The following RALGAPA2 variants were observed in gnomAD, a reference collection of about 807,000 sequenced individuals.
The protein encoded by RALGAPA2 is ral GTPase-activating protein subunit alpha-2.
A neutral mutation model predicts 230.4 loss-of-function variants in RALGAPA2; 139 were observed. The ratio of observed to expected loss-of-function variants is 0.60; its 90% CI spans 0.53 to 0.69. RALGAPA2 has a LOEUF of 0.69. RALGAPA2 is among the 30% of genes least tolerant of loss of function. RALGAPA2 has a pLI of 0.00. For missense variants in RALGAPA2, 2,163 were observed against 2,276.0 expected, an observed-to-expected ratio of 0.95 and a Z score of 1.01; for synonymous variants, 847 against 837.8, an observed-to-expected ratio of 1.01 and a Z score of -0.19.
chr20:20,600,055 G>C (rs1253908796), intron 16 of RALGAPA2, among the ~76,000 whole-genome samples: 1 of 152,074 alleles, frequency 6.6e-6, no homozygotes, highest in Non-Finnish European at 1.5e-5. Flanking sequence ...AGCACTTTGG[G>C]AAACAGAGAC....
chr20:20,660,415 GTTCA>G (rs1568719567), intron 3 of RALGAPA2, among the ~76,000 whole-genome samples: 1 of 151,954 alleles, frequency 6.6e-6, no homozygotes. Flanking sequence ...GATCAGATTT[GTTCA>G]TTCTTAGGTT....
At chr20:20,707,855 G>A (rs950206663) in intron 1 of RALGAPA2, among the ~76,000 whole-genome samples, 1 of 151,966 alleles carries the variant, frequency 6.6e-6, no homozygotes, top group African/African-American at 2.4e-5. Flanking sequence ...GGTCCTCAGT[G>A]CCCAACACCA....
rs2067110405 is a variant in RALGAPA2 at position 20,643,527 on chromosome 20, T to C, written c.351A>G (p.Leu117=). The change falls in exon 5 of 40, where the codon CTA becomes CTG. Residue 117 remains leucine (L), a synonymous_variant. Transcript: ENST00000202677. ...ATACCTTAATAGAATTTCCAGTGTGTAGAAGCTTCTTTAAAGTTGAGCCTG... is the reference window on the plus strand; with the variant it reads ...ATACCTTAATAGAATTTCCAGTGTGCAGAAGCTTCTTTAAAGTTGAGCCTG... The part of the protein sequence containing the change: ...QSIGSTLKKL[L]HTGNSIKIRC... 4 of 1,473,786 alleles carry C rather than the reference T, an allele frequency of 2.7e-6. No individual in the cohort carries two copies. The East Asian group carries it at 1.0e-4, about 37-fold the overall frequency. 91.3% of individuals were successfully genotyped at this position (1,473,786 alleles called of 1,614,324 possible). A position where few individuals can be genotyped will look rare whatever the true frequency, so the allele number is the denominator to read the frequency against.
intron 37 of RALGAPA2, among the ~76,000 whole-genome samples, chr20:20,413,216 G>A (rs973053470): frequency 6.6e-6 from 1 of 152,210 alleles, no homozygotes; most frequent in Non-Finnish European, 1.5e-5. Flanking sequence ...AGTAACTCTA[G>A]CATTTCTCAC....
intron 32 of RALGAPA2, among the ~76,000 whole-genome samples, chr20:20,511,893 T>C (rs765831980): frequency 2.0e-5 from 3 of 152,146 alleles, no homozygotes; most frequent in African/African-American, 2.4e-5. Context: ...AAGCAGTAAT[T>C]AAAACACACA....
At chr20:20,624,539 A>T (rs1161181957) in intron 10 of RALGAPA2, among the ~76,000 whole-genome samples, 2 of 152,130 alleles carry the variant, frequency 1.3e-5, no homozygotes, top group Non-Finnish European at 2.9e-5. Flanking sequence ...GTACATTAGG[A>T]TTCTGAAATC....
chr20:20,512,909 G>T lies in RALGAPA2; in HGVS notation c.4460C>A (p.Pro1487His). 2 of 1,613,806 alleles carry T rather than the reference G, an allele frequency of 1.2e-6. No individual in the cohort carries two copies. Among genetic ancestry groups the T allele is most frequent in the Non-Finnish European group, 1.7e-6 (2 of 1,179,778 alleles). Residue 1487 changes from proline to histidine, a missense_variant, in exon 32 of 40, where the codon CCC (proline) becomes CAC (histidine). Coordinates refer to ENST00000202677, the MANE Select transcript of RALGAPA2 (RefSeq NM_020343.4). ...CAGAAATGAAGGATTTCTTCCATTG[G>T]GTGCTAAGCAGCCTTCCAAAGGTCC... The part of the protein sequence containing the change: ...LYGPLEGCLA[P>H]NGRNPSFLIS...
At chr20:20,580,910 G>C (rs573370597) in intron 20 of RALGAPA2, among the ~76,000 whole-genome samples, 1 of 152,248 alleles carries the variant, frequency 6.6e-6, no homozygotes, top group African/African-American at 2.4e-5. Context: ...TAATCAAATT[G>C]TTTCTCTTTG....
At chr20:20,636,593 T>C (rs1005304905) in intron 8 of RALGAPA2, among the ~76,000 whole-genome samples, 4 of 151,846 alleles carry the variant, frequency 2.6e-5, no homozygotes, top group Non-Finnish European at 4.4e-5. Context: ...TACGCATACA[T>C]AGAAACACAC....
At chr20:20,592,144 A>G (rs1484754000) in intron 16 of RALGAPA2, among the ~76,000 whole-genome samples, 1 of 152,090 alleles carries the variant, frequency 6.6e-6, no homozygotes, top group African/African-American at 2.4e-5. Flanking sequence ...ACTAATCACT[A>G]ATCACTGTCC....
rs910709880 is a variant in RALGAPA2, at chr20:20,669,173, T to A, written c.270+7063A>T. Among the ~76,000 whole-genome samples, 4 of 152,230 alleles carry A rather than the reference T, an allele frequency of 2.6e-5. No homozygotes were observed. In the South Asian group the frequency reaches 8.3e-4, roughly 31 times the overall value. On this transcript the variant is annotated intron_variant, in intron 3 of 39. Transcript: ENST00000202677. ...AGCCTCTTGTGTCGATGTATTTTAA[T>A]TGGAGTGTGGGAGGGTGAGGAAATA...
In RALGAPA2 at chr20:20,646,543, A is replaced by G. The variant is rs537681031; in HGVS notation, c.329-2994T>C. Among the ~76,000 whole-genome samples the G allele has an allele frequency of 4.6e-5, 7 of 152,302 alleles. No individual in the cohort carries two copies. The South Asian group carries it at 1.5e-3, about 32-fold the overall frequency. Reference sequence around the variant, plus strand: ...AAGAATAAGTAAATAAGATCTAATTACTTGGGCTGATTCTATGAATTTCTA... The same window carrying G: ...AAGAATAAGTAAATAAGATCTAATTGCTTGGGCTGATTCTATGAATTTCTA... On this transcript the variant is annotated intron_variant, in intron 4 of 39. Transcript: ENST00000202677.
At chr20:20,396,522 G>C (rs543787563) in intron 39 of RALGAPA2, among the ~76,000 whole-genome samples, 173 bp downstream of exon 39, 1 of 152,370 alleles carries the variant, frequency 6.6e-6, no homozygotes, top group South Asian at 2.1e-4. Flanking sequence ...GCTTCCCCGG[G>C]CAGCGCAGAC....
intron 18 of RALGAPA2, 125 bp from the exon 19 acceptor site, chr20:20,585,080 T>C: frequency 1.8e-6 from 1 of 543,600 alleles, no homozygotes; most frequent in Non-Finnish European, 3.1e-6. Flanking sequence ...TAAATTGATG[T>C]TTTCCATTTG....
intron 37 of RALGAPA2, among the ~76,000 whole-genome samples, chr20:20,428,241 G>A (rs2060427784): frequency 6.6e-6 from 1 of 152,136 alleles, no homozygotes; most frequent in African/African-American, 2.4e-5. Context: ...CCCCAGTGCT[G>A]TTAAAGATAA....
intron 5 of RALGAPA2, among the ~76,000 whole-genome samples, chr20:20,641,302 G>T (rs539668645): frequency 5.3e-5 from 8 of 152,276 alleles, no homozygotes; most frequent in Non-Finnish European, 1.0e-4. Flanking sequence ...ATCTTATTCT[G>T]TAAGGCAACA....
chr20:20,590,204 T>C (rs757882227), intron 17 of RALGAPA2, among the ~76,000 whole-genome samples: 2 of 152,110 alleles, frequency 1.3e-5, no homozygotes, highest in African/African-American at 4.8e-5. Context: ...AACACATTTC[T>C]TGAACTTATT....
intron 3 of RALGAPA2, among the ~76,000 whole-genome samples, chr20:20,666,967 C>A (rs947482668): frequency 1.3e-5 from 2 of 152,118 alleles, no homozygotes; most frequent in Non-Finnish European, 2.9e-5. Flanking sequence ...GGAAATAAAT[C>A]TCAGAATTGT....
In RALGAPA2 at chr20:20,650,492, T is replaced by A. The variant is rs901442585; in HGVS notation, c.328+3038A>T. Among the ~76,000 whole-genome samples, 9 of 152,216 alleles carry A rather than the reference T, an allele frequency of 5.9e-5. No homozygotes were observed. The East Asian group carries it at 1.7e-3, about 29-fold the overall frequency. ...AGAAGCATACCGCATCAGTGGTGTA[T>A]AACTACAACTTCAAGGTTTTAACCC... On this transcript the variant is annotated intron_variant, in intron 4 of 39. Transcript: ENST00000202677.
Sources: allele counts gnomAD v4.1 joint callset (sites outside exome capture counted in the v4.1 genomes callset), GRCh38; gene constraint gnomAD v4.1.1; transcripts MANE v1.5; gene names NCBI Gene and HGNC (gene_info 2026-07-23, HGNC 2026-07-21).